PKD1L3: variants seen among roughly 807,000 people sequenced by gnomAD.
The protein encoded by PKD1L3 is polycystin-1-like protein 3.
In PKD1L3, 239 loss-of-function variants were observed where a neutral mutation model predicts 184.1. That is an observed-to-expected ratio of 1.30 (90% CI 1.17 to 1.45). The LOEUF (loss-of-function observed/expected upper bound fraction) is 1.45. Ranked by LOEUF, PKD1L3 falls within the 40% of genes most tolerant of loss-of-function variation. PKD1L3 has a pLI of 0.00. For missense variants in PKD1L3, 2,660 were observed against 2,067.2 expected (o/e 1.29, Z -5.56); for synonymous variants, 996 against 778.8 (o/e 1.28, Z -4.64).
chr16:71,980,157 T>A (rs2040094364), intron 7 of PKD1L3, 23 bp from the exon 8 acceptor site: 1 of 1,549,878 alleles, frequency 6.5e-7, no homozygotes. Flanking sequence ...GAAAACAGTG[T>A]GTGACTTGTA....
Position 71,954,221 on chromosome 16 carries a change from T to C in PKD1L3, c.2693A>G (p.Asn898Ser), listed in dbSNP as rs2038961816. 6 of 1,551,310 alleles carry C rather than the reference T, an allele frequency of 3.9e-6. No individual in the cohort carries two copies. Among genetic ancestry groups the C allele is most frequent in the East Asian group, 2.4e-5 (1 of 40,856 alleles). ...WLSIATRHPW[N>S]QFTRVQRLSC... is the part of the protein sequence containing the mutation. ...CAGCCGTTGGACCCTTGTAAACTGG[T>C]TCCAGGGATGCCGAGTTGCAATTGA... is the stretch of plus-strand genomic sequence containing the variant. The change falls in exon 17 of 30, where the codon AAC (asparagine) becomes AGC (serine). Residue 898 changes from asparagine to serine, a missense_variant. By Grantham distance (46) the Asn-to-Ser change is conservative. Coordinates refer to ENST00000620267, the MANE Select transcript of PKD1L3 (RefSeq NM_181536.2).
At chr16:71,929,746 A>C (rs1567480235) in intron 29 of PKD1L3, 68 bp from the exon 30 acceptor site, 1 of 1,373,048 alleles carries the variant, frequency 7.3e-7, no homozygotes, top group Middle Eastern at 1.9e-4. Context: ...GAGTAAAAAA[A>C]GTACCAAAGA....
In PKD1L3 at chr16:71,985,361, A is replaced by AG. The variant is rs1257313922; in HGVS notation, c.834+859dup. 5.9e-5 allele frequency among the ~76,000 whole-genome samples: 9 copies of AG among 152,254 alleles called. No individual in the cohort carries two copies. In the East Asian group the frequency reaches 7.7e-4, roughly 13 times the overall value. ...ATATAAACAGGGCTCGTTTGAGTTT[A>AG]GGGAAAAAAAAGCATGAGGGAAGCA... On this transcript the variant is annotated intron_variant, in intron 5 of 29. Coordinates refer to ENST00000620267, the MANE Select transcript of PKD1L3 (RefSeq NM_181536.2).
chr16:71,991,821 A>G (rs1023764947), intron 3 of PKD1L3, among the ~76,000 whole-genome samples: 2 of 152,226 alleles, frequency 1.3e-5, no homozygotes, highest in Non-Finnish European at 2.9e-5. Flanking sequence ...CTGAATTACA[A>G]AAAACTTTTA....
chr16:71,957,605 C>G (rs2039096280), intron 16 of PKD1L3, among the ~76,000 whole-genome samples: 2 of 151,994 alleles, frequency 1.3e-5, no homozygotes, highest in African/African-American at 4.8e-5. Context: ...CGAGACCAGC[C>G]TGGCCAACAT....
intron 10 of PKD1L3, 95 bp from the exon 11 acceptor site, chr16:71,977,562 T>TCCTCA: frequency 1.6e-6 from 1 of 630,238 alleles, no homozygotes. Flanking sequence ...TCCTAGCTCT[T>TCCTCA]TTTTTTTTTT....
Position 71,951,667 on chromosome 16 carries a change from A to T in PKD1L3, c.3087T>A (p.Ser1029Arg), listed in dbSNP as rs2038840104. ...TCACCAGCTTAGTAATGTCCCAAGA[A>T]CTCCATGGCGGCTGCTCACACTTGG... ...LLSKCEQPPW[S>R]SWDITKLVKL... The change falls in exon 19 of 30, where the codon AGT (serine) becomes AGA (arginine). Residue 1029 changes from serine to arginine, a missense_variant. Coordinates refer to ENST00000620267, the MANE Select transcript of PKD1L3 (RefSeq NM_181536.2). 6.4e-7 allele frequency: 1 copy of T among 1,551,460 alleles called. No homozygotes were observed. The highest frequency in any genetic ancestry group is 1.4e-5 in the African/African-American group (1 of 73,094).
intron 11 of PKD1L3, among the ~76,000 whole-genome samples, chr16:71,974,958 G>C (rs1021925525): frequency 2.0e-5 from 3 of 152,086 alleles, no homozygotes; most frequent in Non-Finnish European, 2.9e-5. Flanking sequence ...AAATACAGAA[G>C]TGTAGCTCTT....
In PKD1L3 at chr16:71,973,405, G is replaced by A. The variant is rs1205379016; in HGVS notation, c.1872C>T (p.Ser624=). The part of the protein sequence containing the change: ...ERQEGAQQTP[S]LVSVITAVTQ... Reference sequence around the variant, plus strand: ...TGACGGCGGTGATGACCGAGACCAAGCTGGGTGTCTGCTGAGCACCCTCCT... The same window carrying A: ...TGACGGCGGTGATGACCGAGACCAAACTGGGTGTCTGCTGAGCACCCTCCT... Residue 624 remains serine, a synonymous_variant, in exon 12 of 30, where the codon AGC becomes AGT. Transcript: ENST00000620267. The A allele has an allele frequency of 6.4e-7, 1 of 1,551,656 alleles. No individual in the cohort carries two copies. Among genetic ancestry groups the A allele is most frequent in the South Asian group, 1.2e-5 (1 of 84,058 alleles).
chr16:71,982,322 G>C, intron 6 of PKD1L3, 87 bp from the exon 7 acceptor site: 1 of 1,139,644 alleles, frequency 8.8e-7, no homozygotes, highest in South Asian at 1.8e-5. Flanking sequence ...TTTCACTCTT[G>C]TTGCCCAGGC....
At chr16:71,951,509 G>T in intron 19 of PKD1L3, 55 bp downstream of exon 19, 1 of 1,478,684 alleles carries the variant, frequency 6.8e-7, no homozygotes. Flanking sequence ...TAAGACATAT[G>T]CAAGGGAGTG....
chr16:71,947,302 G>A (rs1293072569), intron 22 of PKD1L3, among the ~76,000 whole-genome samples, 190 bp downstream of exon 22: 1 of 152,072 alleles, frequency 6.6e-6, no homozygotes, highest in African/African-American at 2.4e-5. Flanking sequence ...ATGAAGCACT[G>A]GGAGAGAGGA....
chr16:71,929,852 T>G (rs1007805553), intron 29 of PKD1L3, 174 bp from the exon 30 acceptor site: 5 of 951,252 alleles, frequency 5.3e-6, no homozygotes, highest in Admixed American at 3.0e-5. Flanking sequence ...GCCAACTATT[T>G]ATAGGACAAT....
At chr16:71,960,349 A>G (rs2039230080) in intron 16 of PKD1L3, among the ~76,000 whole-genome samples, 1 of 152,194 alleles carries the variant, frequency 6.6e-6, no homozygotes, top group Non-Finnish European at 1.5e-5. Context: ...AGATTATTAG[A>G]TCTGGTTTTT....
intron 28 of PKD1L3, among the ~76,000 whole-genome samples, chr16:71,932,855 T>C (rs1245337107): frequency 6.7e-6 from 1 of 149,390 alleles, no homozygotes; most frequent in Non-Finnish European, 1.5e-5. Flanking sequence ...TCATGGCTTA[T>C]TGCAGCTTCC....
intron 16 of PKD1L3, among the ~76,000 whole-genome samples, chr16:71,960,912 C>G (rs1384257854): frequency 6.6e-6 from 1 of 152,056 alleles, no homozygotes; most frequent in Non-Finnish European, 1.5e-5. Context: ...ACAAAACAAA[C>G]CTAGAACTGT....
At chr16:71,998,151 C>T in intron 2 of PKD1L3, 121 bp downstream of exon 2, 1 of 1,325,462 alleles carries the variant, frequency 7.5e-7, no homozygotes, top group Non-Finnish European at 1.0e-6. Flanking sequence ...AATCAAAAGC[C>T]CTGTATCATC....
At chr16:71,981,527 C>T (rs933756842) in intron 7 of PKD1L3, among the ~76,000 whole-genome samples, 2 of 137,684 alleles carry the variant, frequency 1.5e-5, no homozygotes, top group South Asian at 2.3e-4. Flanking sequence ...CCAACACTTT[C>T]CTAAATTCTT....
At chr16:71,975,990 C>G (rs1332128966) in intron 11 of PKD1L3, among the ~76,000 whole-genome samples, 1 of 151,796 alleles carries the variant, frequency 6.6e-6, no homozygotes, top group African/African-American at 2.4e-5. Flanking sequence ...GTCTGTCACC[C>G]AGGCTGGACA....
Sources: gnomAD v4.1 joint callset for allele counts (sites outside exome capture counted in the v4.1 genomes callset) on GRCh38, gnomAD v4.1.1 for gene constraint, MANE v1.5 for transcripts, NCBI Gene and HGNC (gene_info 2026-07-23, HGNC 2026-07-21) for gene names.